Variants in ALKBH2 observed in about 807,000 individuals in gnomAD.
ALKBH2 encodes the protein alkB homolog 2, alpha-ketoglutarate dependent dioxygenase.
ALKBH2 carries 19 observed loss-of-function variants against 19.7 expected under a neutral mutation model. The observed-to-expected ratio is 0.97, with a 90% CI of 0.67 to 1.42. The LOEUF is 1.42. Ranked by LOEUF, ALKBH2 falls within the 40% of genes most tolerant of loss-of-function variation. The probability of loss-of-function intolerance (pLI) is 0.00; values close to 1 mark genes in which losing one functional copy is unlikely to be tolerated. For synonymous variants in ALKBH2, 135 were observed against 131.2 expected, an observed-to-expected ratio of 1.03 and a Z score of -0.20; for missense variants, 310 against 328.5, an observed-to-expected ratio of 0.94 and a Z score of 0.43.
At chr12:109,089,241 C>T (rs1252119878) in intron 3 of ALKBH2, among the ~76,000 whole-genome samples, 2 of 152,186 alleles carry the variant, frequency 1.3e-5, no homozygotes, top group Non-Finnish European at 2.9e-5. Context: ...ACTCCAGAGT[C>T]CCTCTGCTCT....
intron 2 of ALKBH2, among the ~76,000 whole-genome samples, chr12:109,091,371 G>C (rs978773633): frequency 6.6e-6 from 1 of 152,140 alleles, no homozygotes; most frequent in African/African-American, 2.4e-5. Context: ...AGGTGACAGA[G>C]CGAGACCCTG....
At chr12:109,089,016 T>C (rs1281805292) in intron 3 of ALKBH2, among the ~76,000 whole-genome samples, 3 of 152,192 alleles carry the variant, frequency 2.0e-5, no homozygotes, top group African/African-American at 7.2e-5. Context: ...GGCCAGTTCA[T>C]GTGCTTTAAA....
intron 2 of ALKBH2, 96 bp downstream of exon 2, chr12:109,092,411 G>T: frequency 7.0e-7 from 1 of 1,419,432 alleles, no homozygotes. Context: ...AGTAAATAAT[G>T]GATCCTGAGT....
rs890591889 is a variant in ALKBH2, at chr12:109,088,641, G to A, written c.480-129C>T. On this transcript the variant is annotated intron_variant, in intron 3 of 3. Transcript: ENST00000429722. This position sits in a 1 kb window ranked among gnomAD's most constrained non-coding sequence, Gnocchi z 4.2. ...TGGCTGTACCTGCCGTTGTTTCTGC[G>A]AGGGCTTGAGGTCCACAGTGGGCTC... 92 of 817,686 alleles carry A rather than the reference G, an allele frequency of 1.1e-4. No individual in the cohort carries two copies. Among genetic ancestry groups the A allele is most frequent in the Non-Finnish European group, 1.5e-4 (80 of 533,112 alleles). 50.7% of individuals were successfully genotyped at this position (817,686 alleles called of 1,614,324 possible). A position where few individuals can be genotyped will look rare whatever the true frequency, so the allele number is the denominator to read the frequency against.
chr12:109,089,730 C>T (rs141636902), intron 3 of ALKBH2: 10 of 422,474 alleles, frequency 2.4e-5, no homozygotes, highest in Admixed American at 3.6e-5. Flanking sequence ...GCCTGGGCAA[C>T]ATAGAAAAAC....
chr12:109,092,493 A>ACC lies in ALKBH2; in HGVS notation c.280+12_280+13dup, dbSNP rs745630680. The ACC allele has an allele frequency of 1.9e-5, 30 of 1,547,738 alleles. No homozygotes were observed. The highest frequency in any genetic ancestry group is 5.7e-5 in the Admixed American group (3 of 52,952). On this transcript the variant is annotated intron_variant, in intron 2 of 3. Coordinates refer to ENST00000429722, the MANE Select transcript of ALKBH2 (RefSeq NM_001145374.2). ...TCAATGCACACACACACACACACAC[A>ACC]CCCCTCTGCTTACCTGTAAAATATT...
Position 109,092,947 on chromosome 12 carries a change from A to C in ALKBH2, c.-151-10T>G. ...AGTTTAAAACCATGTCCTAGAAAGG[A>C]AACAGAAGATGTTAAAGCCGGAAGG... On this transcript the variant is annotated splice_polypyrimidine_tract_variant and intron_variant, in intron 1 of 3. Transcript: ENST00000429722. 2 of 1,429,884 alleles carry C rather than the reference A, an allele frequency of 1.4e-6. No homozygotes were observed. The highest frequency in any genetic ancestry group is 2.9e-5 in the African/African-American group (2 of 69,462). The allele number at this position is 1,429,884 out of a possible 1,614,324, so 88.6% of individuals were successfully genotyped here. A position where few individuals can be genotyped will look rare whatever the true frequency, so the allele number is the denominator to read the frequency against.
chr12:109,089,958 T>C (rs745479171), intron 3 of ALKBH2, 51 bp downstream of exon 3: 2 of 1,599,354 alleles, frequency 1.3e-6, no homozygotes, highest in East Asian at 2.2e-5. Context: ...ACACTTCCTT[T>C]TGGAGGAGAC....
At chr12:109,091,777 T>C (rs539932286) in intron 2 of ALKBH2, among the ~76,000 whole-genome samples, 51 of 152,214 alleles carry the variant, frequency 3.4e-4, no homozygotes, top group Non-Finnish European at 6.3e-4. Context: ...CTCGAACTCC[T>C]GACCTCAAGT....
At chr12:109,092,354 C>A in intron 2 of ALKBH2, 153 bp downstream of exon 2, 1 of 1,245,024 alleles carries the variant, frequency 8.0e-7, no homozygotes, top group Non-Finnish European at 1.0e-6. Context: ...GGGGCTTAGC[C>A]CAGAGGTGCT....
In ALKBH2 at chr12:109,088,591, TCA is replaced by T. The variant is rs2042006701; in HGVS notation, c.480-81_480-80del. On this transcript the variant is annotated intron_variant, in intron 3 of 3. Coordinates refer to ENST00000429722, the MANE Select transcript of ALKBH2 (RefSeq NM_001145374.2). This position sits in a 1 kb window ranked among gnomAD's most constrained non-coding sequence, Gnocchi z 4.2. Reference sequence around the variant, plus strand: ...CCAGCACCGCCAGCCCTCGTTTTCCTCACAGTGTGAAACAGCACTCTGCATGG... The same window carrying T: ...CCAGCACCGCCAGCCCTCGTTTTCCTCAGTGTGAAACAGCACTCTGCATGG... 1.1e-5 allele frequency: 15 copies of T among 1,393,254 alleles called. No homozygotes were observed. Among genetic ancestry groups the T allele is most frequent in the South Asian group, 1.4e-5 (1 of 73,004 alleles). The allele number at this position is 1,393,254 out of a possible 1,614,324, so 86.3% of individuals were successfully genotyped here.
chr12:109,092,294 T>C (rs1325861123), intron 2 of ALKBH2: 2 of 623,010 alleles, frequency 3.2e-6, no homozygotes, highest in Non-Finnish European at 2.4e-6. Flanking sequence ...TGTCAGCTCC[T>C]AGTAGACAGG....
chr12:109,092,895 A>T lies in ALKBH2; in HGVS notation c.-109T>A. The T allele has an allele frequency of 6.7e-7, 1 of 1,501,026 alleles. No homozygotes were observed. The highest frequency in any genetic ancestry group is 1.4e-5 in the South Asian group (1 of 72,704). The allele number at this position is 1,501,026 out of a possible 1,614,324, so 93.0% of individuals were successfully genotyped here. ...TTTGTCCAAGGGGTCTCACAGCAAC[A>T]TTCCTAGTTTCACATTTTCATTTTA... On this transcript the variant is annotated 5_prime_UTR_variant, in exon 2 of 4. An upstream start codon of the reference 5' UTR is lost. Coordinates refer to ENST00000429722, the MANE Select transcript of ALKBH2 (RefSeq NM_001145374.2).
intron 3 of ALKBH2, chr12:109,089,797 T>C: frequency 1.7e-6 from 1 of 576,056 alleles, no homozygotes. Context: ...CTCATTCAGC[T>C]GTTTGTTCAG....
At position 109,092,935 on chromosome 12, in the gene ALKBH2, G is replaced by GT. The variant is rs1041671683; in HGVS notation, c.-150dup. ...TTTTCATTTTAAAGTTTAAAACCATGTCCTAGAAAGGAAACAGAAGATGTT... is the reference window on the plus strand; with the variant it reads ...TTTTCATTTTAAAGTTTAAAACCATGTTCCTAGAAAGGAAACAGAAGATGTT... On this transcript the variant is annotated splice_region_variant and 5_prime_UTR_variant, in exon 2 of 4. Coordinates refer to ENST00000429722, the MANE Select transcript of ALKBH2 (RefSeq NM_001145374.2). 2 of 1,445,190 alleles carry GT rather than the reference G, an allele frequency of 1.4e-6. No individual in the cohort carries two copies. The highest frequency in any genetic ancestry group is 1.4e-5 in the African/African-American group (1 of 69,804). 89.5% of individuals were successfully genotyped at this position (1,445,190 alleles called of 1,614,324 possible). A position where few individuals can be genotyped will look rare whatever the true frequency, so the allele number is the denominator to read the frequency against.
At chr12:109,091,801 C>G (rs1322741582) in intron 2 of ALKBH2, among the ~76,000 whole-genome samples, 1 of 152,212 alleles carries the variant, frequency 6.6e-6, no homozygotes, top group Non-Finnish European at 1.5e-5. Context: ...TCGCCCGTCT[C>G]GGGCTCCCAA....
rs751411519 is a variant in ALKBH2, at chr12:109,092,767, T to G, written c.20A>C (p.Lys7Thr). 6 of 1,613,392 alleles carry G rather than the reference T, an allele frequency of 3.7e-6. No homozygotes were observed. Among genetic ancestry groups the G allele is most frequent in the Non-Finnish European group, 5.1e-6 (6 of 1,179,624 alleles). The change falls in exon 2 of 4, where the codon AAA becomes ACA. Residue 7 changes from lysine to threonine, a missense_variant. Coordinates refer to ENST00000429722, the MANE Select transcript of ALKBH2 (RefSeq NM_001145374.2). MDRFLV[K>T]GAQGGLLRKQ... ...CCTCAAAAGGCCCCCTTGAGCCCCT[T>G]TCACCAGGAATCTGTCCATCCTGTC...
At chr12:109,090,703 C>A (rs753958440) in intron 2 of ALKBH2, among the ~76,000 whole-genome samples, 13 of 152,070 alleles carry the variant, frequency 8.5e-5, no homozygotes, top group Non-Finnish European at 1.2e-4. Flanking sequence ...GCCCGGCTAA[C>A]TTTTTTTGTA....
chr12:109,088,481 G>A lies in ALKBH2; in HGVS notation c.511C>T (p.His171Tyr). ...GCCAGTTCTCTTTCATCATCTCGGT[G>A]CTCCCCGATGTGGTCACAGCCATCT... ...YKDGCDHIGE[H>Y]RDDERELAPG... The change falls in exon 4 of 4, where the codon CAC becomes TAC. Residue 171 changes from histidine to tyrosine, a missense_variant. By Grantham distance (83) the His-to-Tyr change is moderately conservative. Transcript: ENST00000429722. The surrounding 1 kb of genome is among the most constrained non-coding windows in gnomAD (Gnocchi z 4.2). 1 of 1,608,172 alleles carries A rather than the reference G, an allele frequency of 6.2e-7. No homozygotes were observed. The highest frequency in any genetic ancestry group is 2.2e-5 in the East Asian group (1 of 44,670).
Sources: allele counts gnomAD v4.1 joint callset (sites outside exome capture counted in the v4.1 genomes callset), GRCh38; gene constraint gnomAD v4.1.1; non-coding constraint Gnocchi (gnomAD v3.1); transcripts MANE v1.5; gene names NCBI Gene and HGNC (gene_info 2026-07-23, HGNC 2026-07-21).